The following HDAC8 variants were observed in gnomAD, a reference collection of about 807,000 sequenced individuals.
HDAC8 encodes the protein histone deacetylase 8.
A neutral mutation model predicts 32.2 loss-of-function variants in HDAC8; 1 was observed. The ratio of observed to expected loss-of-function variants is 0.03; its 90% CI spans 0.01 to 0.15. The LOEUF (loss-of-function observed/expected upper bound fraction) is 0.15, where lower values mean the gene tolerates loss of function less well. Among genes scored for constraint, HDAC8 ranks in the 10% least tolerant of loss-of-function variants. The pLI, the probability that HDAC8 is intolerant of heterozygous loss-of-function variation, is 1.00. For missense variants in HDAC8, 117 were observed against 300.0 expected (o/e 0.39, Z 4.51); for synonymous variants, 108 against 113.9 (o/e 0.95, Z 0.33).
chrX:72,550,633 TA>T (rs1556067977), intron 4 of HDAC8, among the ~76,000 whole-genome samples: 1 of 111,213 alleles, frequency 9.0e-6, no homozygotes. Context: ...TAAATTGATA[TA>T]ATGTCCATCA....
intron 1 of HDAC8, 117 bp downstream of exon 1, chrX:72,572,534 C>G (rs937071259): frequency 1.2e-4 from 61 of 528,852 alleles, no homozygotes; most frequent in Non-Finnish European, 1.7e-4. Flanking sequence ...TACAGCTACT[C>G]GAAATTTCTG....
intron 10 of HDAC8, among the ~76,000 whole-genome samples, chrX:72,338,672 A>AAT (rs1175771598): frequency 2.7e-5 from 2 of 74,716 alleles, no homozygotes; most frequent in African/African-American, 4.4e-5. Context: ...AATATATATA[A>AAT]ATATATATAT....
rs1015742979 is a variant in HDAC8, at chrX:72,464,807, G to A, written c.738-76C>T. 5.0e-5 allele frequency: 34 copies of A among 676,765 alleles called. No individual in the cohort carries two copies. In the African/African-American group the frequency reaches 6.8e-4, roughly 14 times the overall value. The allele number at this position is 676,765 out of a possible 1,213,427, so 55.8% of individuals were successfully genotyped here. On this transcript the variant is annotated intron_variant, in intron 7 of 10. Coordinates refer to ENST00000373573, the MANE Select transcript of HDAC8 (RefSeq NM_018486.3). Reference sequence around the variant, plus strand: ...AGTGGTGGTGGTAGGGCAAGTTGGAGGTATAATTGAATTAGCAAATAGTTA... The same window carrying A: ...AGTGGTGGTGGTAGGGCAAGTTGGAAGTATAATTGAATTAGCAAATAGTTA...
intron 9 of HDAC8, among the ~76,000 whole-genome samples, chrX:72,446,114 G>C (rs1485637590): frequency 8.9e-6 from 1 of 112,322 alleles, no homozygotes; most frequent in Non-Finnish European, 1.9e-5. Context: ...AACCCTTGTG[G>C]AAGTCAGTGT....
At chrX:72,542,334 T>C (rs1333269221) in intron 4 of HDAC8, among the ~76,000 whole-genome samples, 2 of 112,237 alleles carry the variant, frequency 1.8e-5, no homozygotes, top group Non-Finnish European at 3.8e-5. Context: ...TGAATATACA[T>C]CATTTTCACA....
intron 2 of HDAC8, 103 bp from the exon 3 acceptor site, chrX:72,568,987 A>G (rs1248573201): frequency 2.9e-5 from 25 of 860,649 alleles, no homozygotes; most frequent in Non-Finnish European, 3.7e-5. Flanking sequence ...ATACGTCTCA[A>G]CTTCTGGTTC....
At chrX:72,369,453 C>T (rs1042111982) in intron 9 of HDAC8, among the ~76,000 whole-genome samples, 11 of 112,395 alleles carry the variant, frequency 9.8e-5, no homozygotes, top group African/African-American at 3.6e-4. Flanking sequence ...GTGGTTGATG[C>T]TGGCAGAGCC....
At chrX:72,468,798 ATTCATTCAT>A (rs1401602167) in intron 7 of HDAC8, among the ~76,000 whole-genome samples, 4 of 112,359 alleles carry the variant, frequency 3.6e-5, no homozygotes, top group Non-Finnish European at 5.6e-5. Flanking sequence ...ATATTCATTC[ATTCATTCAT>A]TTCATTCATT....
chrX:72,467,459 T>G (rs2048051622), intron 7 of HDAC8: 1 of 111,418 alleles, frequency 9.0e-6, no homozygotes, highest in African/African-American at 3.3e-5. Flanking sequence ...GATAGGGAAG[T>G]TGGAGGCAGA....
chrX:72,514,717 G>A lies in HDAC8; in HGVS notation c.438-19449C>T, dbSNP rs143554671. On this transcript the variant is annotated intron_variant, in intron 4 of 10. Transcript: ENST00000373573. ...TCTGAGATAGGTGCTTATGGCAAAG[G>A]TTTCTATATGGACAGAGAGGTTAGA... Among the ~76,000 whole-genome samples the A allele has an allele frequency of 3.2e-3, 356 of 110,971 alleles. 1 individual carries two copies. The highest frequency in any genetic ancestry group is 0.011 in the African/African-American group (344 of 30,538).
chrX:72,571,886 C>G, intron 2 of HDAC8, 171 bp downstream of exon 2: 1 of 436,331 alleles, frequency 2.3e-6, no homozygotes, highest in Non-Finnish European at 3.8e-6. Context: ...TTTCTTAATT[C>G]TTCAAGAGCT....
chrX:72,547,400 G>T (rs1569393673), intron 4 of HDAC8, among the ~76,000 whole-genome samples: 1 of 106,776 alleles, frequency 9.4e-6, no homozygotes, highest in Non-Finnish European at 1.9e-5. Context: ...TGCCTCTTGG[G>T]GTTCTAGGCT....
chrX:72,569,829 T>C (rs562681582), intron 2 of HDAC8, among the ~76,000 whole-genome samples: 2 of 112,440 alleles, frequency 1.8e-5, no homozygotes, highest in South Asian at 7.5e-4. Flanking sequence ...AGCATCAGCA[T>C]TCCCTGGGTG....
chrX:72,362,459 T>G (rs1257398317), intron 9 of HDAC8, among the ~76,000 whole-genome samples: 1 of 111,976 alleles, frequency 8.9e-6, no homozygotes, highest in African/African-American at 3.3e-5. Flanking sequence ...TATTCCTTCA[T>G]AGCAATGCAG....
chrX:72,477,294 C>T (rs1423676511), intron 7 of HDAC8, among the ~76,000 whole-genome samples: 1 of 112,036 alleles, frequency 8.9e-6, no homozygotes, highest in Admixed American at 9.5e-5. Context: ...GAAGAATTCA[C>T]AATTTACCTA....
At chrX:72,571,096 TTG>T (rs2052022580) in intron 2 of HDAC8, among the ~76,000 whole-genome samples, 1 of 110,396 alleles carries the variant, frequency 9.1e-6, no homozygotes, top group Non-Finnish European at 1.9e-5. Flanking sequence ...GGCTAATTTT[TTG>T]TATTTTTAGT....
chrX:72,351,620 C>T, intron 10 of HDAC8, 113 bp downstream of exon 10: 1 of 494,582 alleles, frequency 2.0e-6, no homozygotes. Context: ...CTTTCCAAGT[C>T]AGTGAAATGA....
chrX:72,387,121 G>A (rs1214777506), intron 9 of HDAC8, among the ~76,000 whole-genome samples: 1 of 112,230 alleles, frequency 8.9e-6, no homozygotes, highest in Non-Finnish European at 1.9e-5. Flanking sequence ...GCCCCACTGG[G>A]GATATTAGAG....
intron 9 of HDAC8, among the ~76,000 whole-genome samples, chrX:72,355,900 T>C (rs1190696146): frequency 1.8e-5 from 2 of 111,991 alleles, no homozygotes; most frequent in East Asian, 2.8e-4. Context: ...AGGTTAGTCA[T>C]TGGGGTACAA....
Sources: allele counts gnomAD v4.1 joint callset (sites outside exome capture counted in the v4.1 genomes callset), GRCh38; gene constraint gnomAD v4.1.1; transcripts MANE v1.5; gene names NCBI Gene and HGNC (gene_info 2026-07-23, HGNC 2026-07-21).